FRY: variants seen among roughly 807,000 people sequenced by gnomAD.
FRY encodes protein furry homolog.
In FRY, 128 loss-of-function variants were observed where a neutral mutation model predicts 348.4. The ratio of observed to expected loss-of-function variants is 0.37; its 90% CI spans 0.32 to 0.43. The LOEUF is 0.43. FRY is among the 20% of genes least tolerant of loss of function. FRY has a pLI of 1.00. For synonymous variants in FRY, 1,370 were observed against 1,374.7 expected, an observed-to-expected ratio of 1.00 and a Z score of 0.08; for missense variants, 2,736 against 3,695.2, an observed-to-expected ratio of 0.74 and a Z score of 6.73.
intron 1 of FRY, among the ~76,000 whole-genome samples, chr13:32,067,726 A>G (rs1874352347): frequency 6.6e-6 from 1 of 152,202 alleles, no homozygotes; most frequent in Non-Finnish European, 1.5e-5. Flanking sequence ...AAGGACGCTG[A>G]AGCCCAGTTG....
chr13:32,212,751 A>G lies in FRY; in HGVS notation c.4682+369A>G, dbSNP rs549643511. ...TTGAATAATTTCTTAGGGATAGAGT[A>G]GTCATCTTGAGATGAGTTCTATGAA... is the stretch of plus-strand genomic sequence containing the variant. On this transcript the variant is annotated intron_variant, in intron 35 of 60. Transcript: ENST00000542859. 4.6e-5 allele frequency among the ~76,000 whole-genome samples: 7 copies of G among 152,348 alleles called. No homozygotes were observed. The South Asian group carries it at 1.4e-3, about 32-fold the overall frequency.
chr13:32,152,887 A>G (rs945397625), intron 14 of FRY, among the ~76,000 whole-genome samples: 1 of 152,186 alleles, frequency 6.6e-6, no homozygotes, highest in Non-Finnish European at 1.5e-5. Flanking sequence ...ATCTGAATAT[A>G]TAGAGAATTC....
chr13:32,051,007 A>G (rs935323854), intron 1 of FRY, among the ~76,000 whole-genome samples: 18 of 152,254 alleles, frequency 1.2e-4, no homozygotes, highest in Admixed American at 9.8e-4. Context: ...CTGAAAAGCA[A>G]CAATGAGGAT....
In FRY at chr13:32,147,826, C is replaced by T. The variant is rs755921459; in HGVS notation, c.1284-13C>T. 93 of 1,491,318 alleles carry T rather than the reference C, an allele frequency of 6.2e-5. No homozygotes were observed. Among genetic ancestry groups the T allele is most frequent in the Non-Finnish European group, 8.5e-5 (91 of 1,067,812 alleles). The allele number at this position is 1,491,318 out of a possible 1,614,324, so 92.4% of individuals were successfully genotyped here. A position where few individuals can be genotyped will look rare whatever the true frequency, so the allele number is the denominator to read the frequency against. On this transcript the variant is annotated splice_polypyrimidine_tract_variant and intron_variant, in intron 12 of 60. Coordinates refer to ENST00000542859, the MANE Select transcript of FRY (RefSeq NM_023037.3). Reference sequence around the variant, plus strand: ...AATCTTGCTTGTTTTCTCTTTTCCCCCTTATCTTTCAGCCGACTTATAACC... The same window carrying T: ...AATCTTGCTTGTTTTCTCTTTTCCCTCTTATCTTTCAGCCGACTTATAACC...
At chr13:32,176,786 G>A (rs1882385131) in intron 20 of FRY, among the ~76,000 whole-genome samples, 2 of 152,240 alleles carry the variant, frequency 1.3e-5, no homozygotes, top group South Asian at 2.1e-4. Flanking sequence ...CAGAAACGGG[G>A]AGAGAGTAAT....
intron 19 of FRY, 118 bp downstream of exon 19, chr13:32,173,667 T>C (rs1040606530): frequency 6.3e-6 from 5 of 790,916 alleles, no homozygotes; most frequent in Middle Eastern, 3.5e-4. Flanking sequence ...ATGTAGTGTT[T>C]CATTCATTGT....
rs1241216675 is a variant in FRY at position 32,239,655 on chromosome 13, A to G, written c.6517-56A>G. On this transcript the variant is annotated intron_variant, in intron 45 of 60. Transcript: ENST00000542859. The surrounding 1 kb of genome is among the most constrained non-coding windows in gnomAD (Gnocchi z 4.3). ...CAGAGCTTATAGTAAAATTGCTAAC[A>G]TTTCTTCCTATTCATTGGGCTATTT... 6 of 1,254,126 alleles carry G rather than the reference A, an allele frequency of 4.8e-6. No homozygotes were observed. Among genetic ancestry groups the G allele is most frequent in the Non-Finnish European group, 7.0e-6 (6 of 859,560 alleles). 77.7% of individuals were successfully genotyped at this position (1,254,126 alleles called of 1,614,324 possible).
chr13:32,201,811 C>T, intron 29 of FRY, 130 bp from the exon 30 acceptor site: 2 of 679,170 alleles, frequency 2.9e-6, no homozygotes, highest in Non-Finnish European at 2.7e-6. Context: ...AAAAAATGGC[C>T]AGACGGGGGT....
At chr13:32,170,946 C>T (rs1882022331) in intron 17 of FRY, 66 bp from the exon 18 acceptor site, 2 of 1,163,566 alleles carry the variant, frequency 1.7e-6, no homozygotes, top group Non-Finnish European at 2.6e-6. Context: ...ATCTATTAAT[C>T]CTTGTTAGCT....
chr13:32,054,981 T>C (rs1266438750), intron 1 of FRY, among the ~76,000 whole-genome samples: 1 of 152,218 alleles, frequency 6.6e-6, no homozygotes, highest in Non-Finnish European at 1.5e-5. Context: ...TTCTTCATTA[T>C]GTTTTGAGTT....
chr13:32,157,275 A>G lies in FRY; in HGVS notation c.1654A>G (p.Met552Val). 6.2e-7 allele frequency: 1 copy of G among 1,611,536 alleles called. No individual in the cohort carries two copies. ...LTEEEAKMIG[M>V]SLYYSQVRKA... The stretch of plus-strand genomic sequence containing the variant: ...TAACTATAATGCATGTTTTTCAGGC[A>G]TGTCCTTATATTACTCTCAAGTACG... The change falls in exon 16 of 61, where the codon ATG becomes GTG. Residue 552 changes from methionine to valine, a missense_variant and splice_region_variant. Around this residue, in one of 9 missense-constraint regions of FRY, gnomAD observed 191 missense variants for 370.2 expected, o/e 0.52. Transcript: ENST00000542859.
chr13:32,212,614 G>C (rs1483188945), intron 35 of FRY, among the ~76,000 whole-genome samples: 2 of 152,134 alleles, frequency 1.3e-5, no homozygotes, highest in African/African-American at 4.8e-5. Context: ...TTGTTCTGGT[G>C]GTGGTGGAAT....
Position 32,167,794 on chromosome 13 carries a change from T to C in FRY, c.1893-3218T>C, listed in dbSNP as rs367552348. Among the ~76,000 whole-genome samples, 33 of 152,324 alleles carry C rather than the reference T, an allele frequency of 2.2e-4. 2 individuals carry two copies. Among genetic ancestry groups the C allele is most frequent in the African/African-American group, 7.7e-4 (32 of 41,586 alleles). On this transcript the variant is annotated intron_variant, in intron 17 of 60. Transcript: ENST00000542859. ...TCAGGTCCATAGACAGGTATAAATA[T>C]AGTAAATTAGAATAATAAACATAAG...
chr13:32,067,294 G>A (rs1324694959), intron 1 of FRY, among the ~76,000 whole-genome samples: 2 of 152,244 alleles, frequency 1.3e-5, no homozygotes, highest in Non-Finnish European at 1.5e-5. Flanking sequence ...GCGTGGCCCA[G>A]AACAGAGACT....
At chr13:32,203,830 A>G (rs912217318) in intron 31 of FRY, among the ~76,000 whole-genome samples, 2 of 152,000 alleles carry the variant, frequency 1.3e-5, no homozygotes, top group Admixed American at 1.3e-4. Flanking sequence ...CATCTCTATC[A>G]CCACCTCACC....
chr13:32,270,238 A>G (rs868099846), intron 55 of FRY, among the ~76,000 whole-genome samples: 5 of 145,952 alleles, frequency 3.4e-5, no homozygotes, highest in Non-Finnish European at 6.0e-5. Flanking sequence ...ATGGAGTTTC[A>G]CTCTTGTTGC....
intron 27 of FRY, among the ~76,000 whole-genome samples, chr13:32,187,108 A>G (rs1263084680): frequency 6.6e-6 from 1 of 152,128 alleles, no homozygotes; most frequent in African/African-American, 2.4e-5. Context: ...TTACTTTCAT[A>G]CTTTTCATAT....
rs147265906 is a variant in FRY, at chr13:32,133,394, A to C, written c.886-1510A>C. ...GAGTGGTTCTGAGGATTCTTAGCAC[A>C]TGACAAACACTCAGTAACTGTTAAA... On this transcript the variant is annotated intron_variant, in intron 8 of 60. Transcript: ENST00000542859. Among the ~76,000 whole-genome samples the C allele has an allele frequency of 2.2e-4, 33 of 152,304 alleles. 1 individual carries two copies. In the East Asian group the frequency reaches 4.8e-3, roughly 22 times the overall value.
intron 1 of FRY, among the ~76,000 whole-genome samples, chr13:32,043,588 G>A (rs1355307738): frequency 3.9e-5 from 6 of 152,040 alleles, no homozygotes; most frequent in Non-Finnish European, 8.8e-5. Flanking sequence ...GCCTCTCATC[G>A]TCATTGGCAA....
Sources: gnomAD v4.1 joint callset for allele counts (sites outside exome capture counted in the v4.1 genomes callset) on GRCh38, gnomAD v4.1.1 for gene constraint, gnomAD v4.1.1 regional missense constraint, Gnocchi (gnomAD v3.1) non-coding constraint, MANE v1.5 for transcripts, NCBI Gene and HGNC (gene_info 2026-07-23, HGNC 2026-07-21) for gene names.